The following CHD7 variants were observed in gnomAD, a reference collection of about 807,000 sequenced individuals.
CHD7 encodes the protein chromodomain helicase DNA binding protein 7.
Under a neutral mutation model 307.3 loss-of-function variants are expected in CHD7, and 24 were observed. The ratio of observed to expected loss-of-function variants is 0.08; its 90% confidence interval spans 0.06 to 0.11. CHD7 has a LOEUF of 0.11. Among genes scored for constraint, CHD7 ranks in the 10% least tolerant of loss-of-function variants. CHD7 has a pLI of 1.00. For missense variants in CHD7, 3,106 were observed against 3,727.1 expected (o/e 0.83, Z 4.34); for synonymous variants, 1,363 against 1,349.9 (o/e 1.01, Z -0.21).
At chr8:60,735,852 G>A (rs954324491) in intron 1 of CHD7, among the ~76,000 whole-genome samples, 5 of 152,222 alleles carry the variant, frequency 3.3e-5, no homozygotes, top group African/African-American at 9.6e-5. Flanking sequence ...AGGCACTGTC[G>A]AGTAGGTAGC....
At chr8:60,760,209 C>T (rs938873093) in intron 2 of CHD7, among the ~76,000 whole-genome samples, 10 of 152,138 alleles carry the variant, frequency 6.6e-5, no homozygotes, top group South Asian at 4.1e-4. Context: ...TATCTGAAGA[C>T]GGTGGAGGCC....
chr8:60,790,744 A>G (rs1811737395), intron 3 of CHD7, among the ~76,000 whole-genome samples: 1 of 152,194 alleles, frequency 6.6e-6, no homozygotes, highest in African/African-American at 2.4e-5. Flanking sequence ...TTGAGCTTAC[A>G]TGATAGTTGG....
At chr8:60,715,386 G>C (rs866763166) in intron 1 of CHD7, among the ~76,000 whole-genome samples, 4 of 146,818 alleles carry the variant, frequency 2.7e-5, no homozygotes, top group Non-Finnish European at 5.9e-5. Flanking sequence ...TGCAGTGGCC[G>C]ATCTCACCTC....
rs529278178 is a variant in CHD7, at chr8:60,837,823, T to C, written c.4341T>C (p.Asn1447=). ...TACAGTCTATGAGTGGAAGAGAAAA[T>C]GCTACCAATGGGGTAAAACCACCCT... ...AVLQSMSGRE[N]ATNGVQQLSK... The change falls in exon 18 of 38, where the codon AAT becomes AAC. Residue 1447 remains asparagine, a synonymous_variant. Transcript: ENST00000423902. 3.7e-6 allele frequency: 6 copies of C among 1,612,876 alleles called. No individual in the cohort carries two copies. The African/African-American group carries it at 6.7e-5, about 18-fold the overall frequency.
chr8:60,736,497 G>A (rs1808720554), intron 1 of CHD7, among the ~76,000 whole-genome samples: 1 of 152,170 alleles, frequency 6.6e-6, no homozygotes, highest in African/African-American at 2.4e-5. Flanking sequence ...GGGTGGTGAT[G>A]TGCTGTTTTT....
intron 6 of CHD7, among the ~76,000 whole-genome samples, chr8:60,803,958 TCA>T (rs1198721816): frequency 6.6e-6 from 1 of 152,210 alleles, no homozygotes; most frequent in African/African-American, 2.4e-5. Flanking sequence ...CTATGAGCTC[TCA>T]GAGCCTGTCC....
At chr8:60,699,851 T>G (rs1806672285) in intron 1 of CHD7, among the ~76,000 whole-genome samples, 1 of 151,486 alleles carries the variant, frequency 6.6e-6, no homozygotes, top group Non-Finnish European at 1.5e-5. Context: ...TTTTTCTTTT[T>G]CGAGATAGAG....
At chr8:60,709,661 A>C (rs578230519) in intron 1 of CHD7, among the ~76,000 whole-genome samples, 117 of 152,334 alleles carry the variant, frequency 7.7e-4, no homozygotes, top group African/African-American at 2.7e-3. Flanking sequence ...GGGTAAAATA[A>C]ATCTTTAGTT....
chr8:60,829,863 C>T lies in CHD7; in HGVS notation c.3523-459C>T, dbSNP rs781150248. ...TATTGCCAATCAATAGAAAAGAGAA[C>T]CAGGGAGAGACGTCTCTGCTGGCTC... On this transcript the variant is annotated intron_variant, in intron 14 of 37. Coordinates refer to ENST00000423902, the MANE Select transcript of CHD7 (RefSeq NM_017780.4). Among the ~76,000 whole-genome samples the T allele has an allele frequency of 4.5e-4, 68 of 152,078 alleles. 2 individuals are homozygous for T. Among genetic ancestry groups the T allele is most frequent in the Non-Finnish European group, 7.8e-4 (53 of 68,022 alleles).
intron 18 of CHD7, 86 bp from the exon 19 acceptor site, chr8:60,837,990 C>CT (rs1586419855): frequency 4.7e-6 from 6 of 1,290,022 alleles, no homozygotes; most frequent in Middle Eastern, 2.4e-4. Flanking sequence ...GGTTTACTCT[C>CT]TTTGAGAAAA....
chr8:60,865,395 C>G lies in CHD7; in HGVS notation c.8456C>G (p.Pro2819Arg). 1.2e-6 allele frequency: 2 copies of G among 1,613,554 alleles called. No individual in the cohort carries two copies. The highest frequency in any genetic ancestry group is 1.7e-6 in the Non-Finnish European group (2 of 1,179,780). ...GGCTTGGGCGGGCTGTTGAATAACC[C>G]TCTGTCAGCTGCTACTGGAAACACC... The part of the protein sequence containing the change: ...VFGLGGLLNN[P>R]LSAATGNTTT... Residue 2819 changes from proline (P) to arginine (R), a missense_variant, in exon 38 of 38, where the codon CCT (proline) becomes CGT (arginine). Physicochemically the swap from Pro to Arg is moderately radical, Grantham distance 103 (BLOSUM62 -2). This residue lies in a region of CHD7 where 351 missense variants were observed against 366.2 expected (regional missense o/e 0.96). Transcript: ENST00000423902. This position sits in a 1 kb window ranked among gnomAD's most constrained non-coding sequence, Gnocchi z 4.3.
At chr8:60,806,187 C>G (rs1812527761) in intron 6 of CHD7, among the ~76,000 whole-genome samples, 1 of 152,018 alleles carries the variant, frequency 6.6e-6, no homozygotes, top group Non-Finnish European at 1.5e-5. Context: ...ACGGTGAAAC[C>G]CCGTCTCTAC....
intron 1 of CHD7, among the ~76,000 whole-genome samples, chr8:60,728,665 G>A (rs1004541898): frequency 1.3e-5 from 2 of 152,110 alleles, no homozygotes; most frequent in African/African-American, 4.8e-5. Flanking sequence ...CATTTATAGA[G>A]TTATAATGGG....
At chr8:60,701,646 C>A (rs1449702608) in intron 1 of CHD7, among the ~76,000 whole-genome samples, 3 of 152,126 alleles carry the variant, frequency 2.0e-5, no homozygotes, top group Admixed American at 6.6e-5. Context: ...ACCTTTTTAT[C>A]AGACAATTAC....
chr8:60,849,763 T>C (rs1287585260), intron 25 of CHD7, among the ~76,000 whole-genome samples: 1 of 152,198 alleles, frequency 6.6e-6, no homozygotes, highest in Non-Finnish European at 1.5e-5. Context: ...TTATAAAACC[T>C]TTCATGATTA....
intron 6 of CHD7, among the ~76,000 whole-genome samples, chr8:60,805,999 T>C (rs1812520307): frequency 6.6e-6 from 1 of 152,182 alleles, no homozygotes; most frequent in Admixed American, 6.5e-5. Flanking sequence ...CTTGCTTCTC[T>C]TTTTCCCTGA....
At chr8:60,730,394 T>C (rs541862016) in intron 1 of CHD7, among the ~76,000 whole-genome samples, 21 of 152,338 alleles carry the variant, frequency 1.4e-4, no homozygotes, top group African/African-American at 5.1e-4. Context: ...AAAGATGGCA[T>C]GTTTCGCTGT....
chr8:60,862,835 T>G (rs898588431), intron 37 of CHD7, 183 bp downstream of exon 37: 2 of 509,162 alleles, frequency 3.9e-6, no homozygotes, highest in Admixed American at 3.4e-5. Context: ...CAAAGTGAAT[T>G]CATTTATCAG....
intron 2 of CHD7, among the ~76,000 whole-genome samples, chr8:60,778,479 CTT>C (rs1442184858): frequency 1.2e-4 from 18 of 152,076 alleles, no homozygotes; most frequent in African/African-American, 4.3e-4. Flanking sequence ...AGTGTGTAAA[CTT>C]TAAATCTTTT....
Sources: gnomAD v4.1 joint callset for allele counts (sites outside exome capture counted in the v4.1 genomes callset) on GRCh38, gnomAD v4.1.1 for gene constraint, gnomAD v4.1.1 regional missense constraint, Gnocchi (gnomAD v3.1) non-coding constraint, MANE v1.5 for transcripts, NCBI Gene and HGNC (gene_info 2026-07-23, HGNC 2026-07-21) for gene names.